The following CORO2B variants were observed in gnomAD, a reference collection of about 807,000 sequenced individuals.
CORO2B encodes the protein coronin 2B.
Under a neutral mutation model 58.8 loss-of-function variants are expected in CORO2B, and 26 were observed. That is an observed-to-expected ratio of 0.44 (90% CI 0.32 to 0.61). The LOEUF (loss-of-function observed/expected upper bound fraction) is 0.61, where lower values mean the gene tolerates loss of function less well. CORO2B is among the 20% of genes least tolerant of loss of function. CORO2B has a pLI of 0.04. For missense variants in CORO2B, 460 were observed against 645.1 expected, an observed-to-expected ratio of 0.71 and a Z score of 3.11; for synonymous variants, 242 against 253.8, an observed-to-expected ratio of 0.95 and a Z score of 0.44.
At chr15:68,555,543 G>A in the CORO2B span, among the ~76,000 whole-genome samples, 1 of 152,174 alleles carries the variant, frequency 6.6e-6, no homozygotes, top group Non-Finnish European at 1.5e-5. Context: ...CCTGTGGCTG[G>A]GACTCATCCC....
chr15:68,662,627 A>G (rs1902051437), intron 2 of CORO2B, among the ~76,000 whole-genome samples: 1 of 152,230 alleles, frequency 6.6e-6, no homozygotes, highest in East Asian at 1.9e-4. Context: ...CCTCACATGC[A>G]TTTTAAGCAG....
intron 3 of CORO2B, among the ~76,000 whole-genome samples, chr15:68,702,432 C>T (rs1164531066): frequency 6.6e-6 from 1 of 152,164 alleles, no homozygotes; most frequent in African/African-American, 2.4e-5. Context: ...GTCCTCAGTT[C>T]GCCCCTCCTA....
chr15:68,655,351 G>C (rs1394184109), intron 2 of CORO2B, among the ~76,000 whole-genome samples: 3 of 152,142 alleles, frequency 2.0e-5, no homozygotes, highest in Non-Finnish European at 4.4e-5. Context: ...TCTGAGCCAG[G>C]CTGAAGCCAC....
At chr15:68,547,638 G>A in the CORO2B span, among the ~76,000 whole-genome samples, 10 of 151,982 alleles carry the variant, frequency 6.6e-5, no homozygotes, top group South Asian at 4.2e-4. Flanking sequence ...CACCGCACCC[G>A]GCCTATACAG....
chr15:68,578,733 G>C (rs1899336613), upstream of CORO2B, among the ~76,000 whole-genome samples: 1 of 152,088 alleles, frequency 6.6e-6, no homozygotes. The surrounding 1 kb of genome is among the most constrained non-coding windows in gnomAD (Gnocchi z 4.2). Context: ...TCTCCCAGCC[G>C]GCAGGTGCCG....
At chr15:68,665,476 A>G (rs1902162729) in intron 2 of CORO2B, among the ~76,000 whole-genome samples, 2 of 151,324 alleles carry the variant, frequency 1.3e-5, no homozygotes, top group South Asian at 4.2e-4. Flanking sequence ...ATATATTTTA[A>G]TATATAATTT....
the CORO2B span, among the ~76,000 whole-genome samples, chr15:68,570,780 C>G: frequency 3.3e-5 from 5 of 150,790 alleles, no homozygotes; most frequent in Non-Finnish European, 7.4e-5. Flanking sequence ...CGAGGATGGA[C>G]CCAGGCCCAC....
Position 68,588,362 on chromosome 15 carries a change from C to T in CORO2B, c.15+9085C>T, listed in dbSNP as rs150164962. On this transcript the variant is annotated intron_variant, in intron 1 of 11. Transcript: ENST00000261861. The stretch of plus-strand genomic sequence containing the variant: ...AAAGTTGCTTTTCTCTCTTCCTGTT[C>T]TGTCTATTTTGGCTGTTTTAATATG... Among the ~76,000 whole-genome samples the T allele has an allele frequency of 4.1e-3, 619 of 152,330 alleles. 2 individuals carry two copies. The highest frequency in any genetic ancestry group is 0.01 in the Middle Eastern group (3 of 294).
chr15:68,590,559 G>A (rs960460100), intron 1 of CORO2B, among the ~76,000 whole-genome samples: 2 of 152,186 alleles, frequency 1.3e-5, no homozygotes, highest in South Asian at 4.1e-4. Flanking sequence ...TGGCCTGGCA[G>A]TGGATGGCTG....
At chr15:68,569,286 C>T in the CORO2B span, among the ~76,000 whole-genome samples, 1 of 152,206 alleles carries the variant, frequency 6.6e-6, no homozygotes, top group Non-Finnish European at 1.5e-5. Flanking sequence ...CTCTGTGCTC[C>T]ACCTGTTCAT....
chr15:68,617,769 T>G (rs1245882008), intron 1 of CORO2B, among the ~76,000 whole-genome samples: 2 of 152,138 alleles, frequency 1.3e-5, no homozygotes, highest in Admixed American at 1.3e-4. Context: ...GCTCTTCCAC[T>G]CACTTCTAAC....
chr15:68,726,047 G>C lies in CORO2B; in HGVS notation c.*73G>C, dbSNP rs539708548. 63 of 1,584,428 alleles carry C rather than the reference G, an allele frequency of 4.0e-5. No homozygotes were observed. The East Asian group carries it at 1.4e-3, about 34-fold the overall frequency. ...TCATCCCTTAACTTCTCCCTTACCAGTGACCCCAGAGACAGAGCCAGGACA... is the reference window on the plus strand; with the variant it reads ...TCATCCCTTAACTTCTCCCTTACCACTGACCCCAGAGACAGAGCCAGGACA... On this transcript the variant is annotated 3_prime_UTR_variant, in exon 12 of 12. Coordinates refer to ENST00000261861, the MANE Select transcript of CORO2B (RefSeq NM_006091.5).
intron 1 of CORO2B, among the ~76,000 whole-genome samples, chr15:68,594,296 A>G (rs1899774624): frequency 6.6e-6 from 1 of 152,176 alleles, no homozygotes; most frequent in Non-Finnish European, 1.5e-5. Flanking sequence ...GCAGTGACTG[A>G]AGCATCCCCA....
At chr15:68,708,259 A>G (rs1892828487) in intron 3 of CORO2B, among the ~76,000 whole-genome samples, 1 of 152,128 alleles carries the variant, frequency 6.6e-6, no homozygotes, top group African/African-American at 2.4e-5. Flanking sequence ...AGGAGGCACC[A>G]AGAAGGAAAA....
the CORO2B span, among the ~76,000 whole-genome samples, chr15:68,543,481 A>G: frequency 6.6e-6 from 1 of 152,152 alleles, no homozygotes; most frequent in Non-Finnish European, 1.5e-5. Flanking sequence ...AGAGGATAAG[A>G]GCATGGGGGC....
chr15:68,580,442 T>G (rs1899401261), intron 1 of CORO2B, among the ~76,000 whole-genome samples: 1 of 152,088 alleles, frequency 6.6e-6, no homozygotes, highest in South Asian at 2.1e-4. Context: ...GGGGTGGTTT[T>G]GGCTCCTTCT....
the CORO2B span, among the ~76,000 whole-genome samples, chr15:68,555,459 C>G: frequency 6.6e-6 from 1 of 152,196 alleles, no homozygotes; most frequent in African/African-American, 2.4e-5. Context: ...ACTTGCAAAC[C>G]ACTGCTTACC....
At chr15:68,673,076 G>A (rs572535492) in intron 2 of CORO2B, among the ~76,000 whole-genome samples, 22 of 152,260 alleles carry the variant, frequency 1.4e-4, no homozygotes, top group African/African-American at 5.3e-4. Context: ...GTGGTGAATG[G>A]GGGCCACTGT....
At chr15:68,550,071 A>G in the CORO2B span, among the ~76,000 whole-genome samples, 1 of 152,096 alleles carries the variant, frequency 6.6e-6, no homozygotes, top group Admixed American at 6.5e-5. Context: ...TGCAAACCAC[A>G]CTTGGTAGGT....
Sources: allele counts gnomAD v4.1 joint callset (sites outside exome capture counted in the v4.1 genomes callset), GRCh38; gene constraint gnomAD v4.1.1; non-coding constraint Gnocchi (gnomAD v3.1); transcripts MANE v1.5; gene names NCBI Gene and HGNC (gene_info 2026-07-23, HGNC 2026-07-21).